THRB: variants seen among roughly 807,000 people sequenced by gnomAD.
THRB encodes the protein nuclear receptor subfamily 1 group A member 2.
Under a neutral mutation model 47.8 loss-of-function variants are expected in THRB, and 12 were observed. The ratio of observed to expected loss-of-function variants is 0.25; its 90% CI spans 0.16 to 0.41. THRB has a LOEUF of 0.41. Among genes scored for constraint, THRB ranks in the 10% least tolerant of loss-of-function variants. The pLI is 1.00. For synonymous variants in THRB, 218 were observed against 212.2 expected (o/e 1.03, Z -0.24); for missense variants, 348 against 589.2 (o/e 0.59, Z 4.24).
chr3:24,213,273 T>C (rs1188470894), intron 4 of THRB, among the ~76,000 whole-genome samples: 1 of 152,198 alleles, frequency 6.6e-6, no homozygotes, highest in Admixed American at 6.5e-5. Context: ...CAAAAGCCTT[T>C]ATTTAGTTGA....
intron 1 of THRB, among the ~76,000 whole-genome samples, chr3:24,482,997 A>G (rs988924645): frequency 6.6e-6 from 1 of 152,180 alleles, no homozygotes; most frequent in Non-Finnish European, 1.5e-5. Flanking sequence ...GATACTTCTT[A>G]TCATTGGTTA....
intron 1 of THRB, among the ~76,000 whole-genome samples, chr3:24,436,891 A>G (rs1243457210): frequency 1.3e-5 from 2 of 152,096 alleles, no homozygotes; most frequent in East Asian, 3.9e-4. Context: ...AATTAGGTGC[A>G]GATAGAAACA....
rs182036358 is a variant in THRB at position 24,445,742 on chromosome 3, C to T, written c.-261+48910G>A. 4.6e-3 allele frequency among the ~76,000 whole-genome samples: 701 copies of T among 152,164 alleles called. 3 individuals carry two copies. The highest frequency in any genetic ancestry group is 7.3e-3 in the Non-Finnish European group (497 of 68,000). ...AAAAACGTCCATGCCCTTTGATTGCCTCTCCTAGGAACTGTCCAATAGAAA... is the reference window on the plus strand; with the variant it reads ...AAAAACGTCCATGCCCTTTGATTGCTTCTCCTAGGAACTGTCCAATAGAAA... On this transcript the variant is annotated intron_variant, in intron 1 of 10. Coordinates refer to ENST00000646209, the MANE Select transcript of THRB (RefSeq NM_001354712.2).
chr3:24,491,988 G>A lies in THRB; in HGVS notation c.-261+2664C>T, dbSNP rs78143227. The stretch of plus-strand genomic sequence containing the variant: ...AGAATGGAAGACCAGCTTTTATTTC[G>A]AAAAGAAAGAGAGAGAGAGAAAAAT... On this transcript the variant is annotated intron_variant, in intron 1 of 10. Transcript: ENST00000646209. Among the ~76,000 whole-genome samples the A allele has an allele frequency of 4.2e-3, 641 of 152,202 alleles. 6 individuals are homozygous for A. Among genetic ancestry groups the A allele is most frequent in the African/African-American group, 0.015 (612 of 41,518 alleles).
chr3:24,278,873 T>A (rs2054215519), intron 3 of THRB, among the ~76,000 whole-genome samples: 1 of 152,130 alleles, frequency 6.6e-6, no homozygotes, highest in South Asian at 2.1e-4. Flanking sequence ...AGATACAGGG[T>A]CTCACTCTGG....
intron 3 of THRB, among the ~76,000 whole-genome samples, chr3:24,246,406 G>A (rs2050115297): frequency 6.6e-6 from 1 of 152,168 alleles, no homozygotes; most frequent in Non-Finnish European, 1.5e-5. Context: ...TCATGCACTG[G>A]TTGTACGGTT....
At chr3:24,375,620 TC>T (rs2065230206) in intron 1 of THRB, among the ~76,000 whole-genome samples, 1 of 150,766 alleles carries the variant, frequency 6.6e-6, no homozygotes, top group Non-Finnish European at 1.5e-5. Context: ...TGCTAAAATG[TC>T]CTTTAAAGCT....
At chr3:24,234,319 G>A (rs983445656) in intron 3 of THRB, among the ~76,000 whole-genome samples, 1 of 152,152 alleles carries the variant, frequency 6.6e-6, no homozygotes, top group South Asian at 2.1e-4. Flanking sequence ...CTTTGGCTAT[G>A]GACTTTGATC....
At chr3:24,211,212 A>G (rs2045989644) in intron 4 of THRB, among the ~76,000 whole-genome samples, 1 of 152,016 alleles carries the variant, frequency 6.6e-6, no homozygotes, top group Admixed American at 6.6e-5. Flanking sequence ...AAAAAAAAAA[A>G]AGATGGTGGG....
chr3:24,433,058 C>CAGAG (rs1450585477), intron 1 of THRB, among the ~76,000 whole-genome samples: 1 of 151,876 alleles, frequency 6.6e-6, no homozygotes, highest in Non-Finnish European at 1.5e-5. Flanking sequence ...AACTCAGTTC[C>CAGAG]ACAGATAAAG....
At chr3:24,258,501 TG>T (rs2051565864) in intron 3 of THRB, among the ~76,000 whole-genome samples, 1 of 152,166 alleles carries the variant, frequency 6.6e-6, no homozygotes, top group African/African-American at 2.4e-5. Flanking sequence ...GAAGGACTGC[TG>T]CTCTGTACTT....
intron 4 of THRB, among the ~76,000 whole-genome samples, chr3:24,200,604 T>G (rs1297135598): frequency 1.3e-5 from 2 of 152,140 alleles, no homozygotes; most frequent in East Asian, 3.9e-4. Context: ...CTCCTCTGGG[T>G]TTTCATAGAA....
At chr3:24,446,485 G>A (rs2072084337) in intron 1 of THRB, among the ~76,000 whole-genome samples, 1 of 149,916 alleles carries the variant, frequency 6.7e-6, no homozygotes, top group Non-Finnish European at 1.5e-5. Context: ...GTGTGTTTGT[G>A]TGTTTCTGCA....
At chr3:24,407,695 T>C (rs1026355295) in intron 1 of THRB, among the ~76,000 whole-genome samples, 3 of 151,892 alleles carry the variant, frequency 2.0e-5, no homozygotes, top group Non-Finnish European at 4.4e-5. Flanking sequence ...ATTTTCATTC[T>C]ATGAACTGAT....
At chr3:24,140,277 G>C (rs2035263783) in intron 8 of THRB, among the ~76,000 whole-genome samples, 1 of 152,164 alleles carries the variant, frequency 6.6e-6, no homozygotes, top group Non-Finnish European at 1.5e-5. Flanking sequence ...ATCGAGTTCT[G>C]TTCTGGTTAT....
chr3:24,247,588 C>T (rs1298418893), intron 3 of THRB, among the ~76,000 whole-genome samples: 1 of 152,194 alleles, frequency 6.6e-6, no homozygotes, highest in African/African-American at 2.4e-5. Context: ...ATAATGATTA[C>T]ATGCATTTAT....
At chr3:24,396,758 T>C (rs1288349138) in intron 1 of THRB, among the ~76,000 whole-genome samples, 2 of 152,128 alleles carry the variant, frequency 1.3e-5, no homozygotes, top group African/African-American at 4.8e-5. Context: ...ACCAAAGCAT[T>C]TATCTAATTA....
At chr3:24,375,855 C>T (rs781364244) in intron 1 of THRB, among the ~76,000 whole-genome samples, 14 of 151,998 alleles carry the variant, frequency 9.2e-5, no homozygotes, top group Non-Finnish European at 1.0e-4. Flanking sequence ...TCTTTTCCTA[C>T]TTCTACAAAA....
intron 1 of THRB, among the ~76,000 whole-genome samples, chr3:24,447,775 A>G (rs1011194901): frequency 2.0e-5 from 3 of 152,034 alleles, no homozygotes; most frequent in Non-Finnish European, 4.4e-5. Flanking sequence ...AAAATGTGTC[A>G]GGGGTCAGTG....
Sources: allele counts gnomAD v4.1 joint callset (sites outside exome capture counted in the v4.1 genomes callset), GRCh38; gene constraint gnomAD v4.1.1; transcripts MANE v1.5; gene names NCBI Gene and HGNC (gene_info 2026-07-23, HGNC 2026-07-21).